Variants in PDE8A observed in about 807,000 individuals in gnomAD.
PDE8A encodes the protein high affinity cAMP-specific and IBMX-insensitive 3',5'-cyclic phosphodiesterase 8A.
Under a neutral mutation model 105.0 loss-of-function variants are expected in PDE8A, and 59 were observed. That is an observed-to-expected ratio of 0.56 (90% CI 0.46 to 0.70). The LOEUF (loss-of-function observed/expected upper bound fraction) is 0.70, where lower values mean the gene tolerates loss of function less well. PDE8A is among the 30% of genes least tolerant of loss of function. The pLI is 0.00. For synonymous variants in PDE8A, 355 were observed against 371.9 expected, an observed-to-expected ratio of 0.95 and a Z score of 0.52; for missense variants, 1,014 against 1,045.9, an observed-to-expected ratio of 0.97 and a Z score of 0.42.
chr15:85,108,546 AAG>A (rs2141588212), intron 11 of PDE8A, among the ~76,000 whole-genome samples: 1 of 152,250 alleles, frequency 6.6e-6, no homozygotes, highest in South Asian at 2.1e-4. Context: ...CTTCGTAGAG[AAG>A]AGGGGGTGAA....
intron 1 of PDE8A, among the ~76,000 whole-genome samples, chr15:85,019,748 T>A (rs1457777994): frequency 6.6e-6 from 1 of 151,760 alleles, no homozygotes; most frequent in Non-Finnish European, 1.5e-5. Flanking sequence ...CCTGGCTAAT[T>A]TTTGTATTTT....
At chr15:85,090,021 A>T (rs1046865487) in intron 7 of PDE8A, among the ~76,000 whole-genome samples, 2 of 152,160 alleles carry the variant, frequency 1.3e-5, no homozygotes, top group Non-Finnish European at 2.9e-5. Context: ...TCCACTTTGG[A>T]GCTCTCCAGT....
intron 1 of PDE8A, among the ~76,000 whole-genome samples, chr15:84,992,347 T>A (rs866763704): frequency 6.6e-6 from 1 of 152,118 alleles, no homozygotes; most frequent in Non-Finnish European, 1.5e-5. Context: ...GTGGAAAATA[T>A]ATCTCTGGAT....
At chr15:85,021,607 AACTG>A (rs1182468173) in intron 1 of PDE8A, among the ~76,000 whole-genome samples, 3 of 152,164 alleles carry the variant, frequency 2.0e-5, no homozygotes, top group Non-Finnish European at 4.4e-5. Flanking sequence ...TAGCAGCTCA[AACTG>A]ACTAAGACAA....
intron 11 of PDE8A, among the ~76,000 whole-genome samples, chr15:85,103,870 G>C (rs1319922642): frequency 6.6e-6 from 1 of 152,138 alleles, no homozygotes; most frequent in African/African-American, 2.4e-5. Flanking sequence ...GCAGACTCTT[G>C]GAAGGAAGCA....
At chr15:85,100,441 A>G (rs115104540) in intron 11 of PDE8A, among the ~76,000 whole-genome samples, 1 of 152,240 alleles carries the variant, frequency 6.6e-6, no homozygotes, top group Non-Finnish European at 1.5e-5. Context: ...GAAATGGTCA[A>G]CTGAAATGCA....
chr15:85,086,220 C>T (rs956034019), intron 6 of PDE8A, among the ~76,000 whole-genome samples: 19 of 151,872 alleles, frequency 1.3e-4, no homozygotes, highest in African/African-American at 4.1e-4. Context: ...AGTAGGGCTA[C>T]GTAAGTACTA....
At chr15:85,039,515 T>C (rs2080765714) in intron 1 of PDE8A, among the ~76,000 whole-genome samples, 1 of 151,986 alleles carries the variant, frequency 6.6e-6, no homozygotes, top group African/African-American at 2.4e-5. Flanking sequence ...ATTGTAAATA[T>C]ATACAGTCAC....
At chr15:85,088,949 G>A (rs2081596416) in intron 6 of PDE8A, among the ~76,000 whole-genome samples, 2 of 152,116 alleles carry the variant, frequency 1.3e-5, no homozygotes, top group Non-Finnish European at 2.9e-5. Context: ...TCTTTGCCAG[G>A]CTCTGTGCAG....
At chr15:85,041,880 A>G (rs1051629241) in intron 1 of PDE8A, among the ~76,000 whole-genome samples, 2 of 152,084 alleles carry the variant, frequency 1.3e-5, no homozygotes, top group African/African-American at 4.8e-5. Context: ...GAGTTCTCAC[A>G]TTCTTTGTTG....
intron 1 of PDE8A, among the ~76,000 whole-genome samples, chr15:85,053,489 T>C (rs2081008812): frequency 6.6e-6 from 1 of 152,218 alleles, no homozygotes; most frequent in African/African-American, 2.4e-5. Context: ...TGTCCTCTTT[T>C]ATTTTGTTGA....
At chr15:84,987,742 G>A (rs1252255432) in intron 1 of PDE8A, among the ~76,000 whole-genome samples, 1 of 152,066 alleles carries the variant, frequency 6.6e-6, no homozygotes, top group African/African-American at 2.4e-5. Context: ...CTCCCAGAGT[G>A]CTGGGATTAC....
upstream of PDE8A, among the ~76,000 whole-genome samples, chr15:84,981,383 A>ACGGAGC (rs574568277): frequency 0.014 from 2,067 of 152,174 alleles, 24 homozygotes; most frequent in Middle Eastern, 0.034. Flanking sequence ...GGCCCGGATC[A>ACGGAGC]CGGAGCCGGA....
At chr15:85,045,724 T>C (rs2080876659) in intron 1 of PDE8A, among the ~76,000 whole-genome samples, 1 of 152,186 alleles carries the variant, frequency 6.6e-6, no homozygotes, top group Non-Finnish European at 1.5e-5. Context: ...TAATAGGTGG[T>C]CCACAAGTGT....
Position 85,117,936 on chromosome 15 carries a change from G to A in PDE8A, c.1734+97G>A, listed in dbSNP as rs137866295. On this transcript the variant is annotated intron_variant, in intron 17 of 21. Coordinates refer to ENST00000394553, the MANE Select transcript of PDE8A (RefSeq NM_002605.3). Reference sequence around the variant, plus strand: ...TAAGATACATAGCATGACTGCTCACGTGTGCAGCCTGGCACAGGAAGGGCA... The same window carrying A: ...TAAGATACATAGCATGACTGCTCACATGTGCAGCCTGGCACAGGAAGGGCA... The A allele has an allele frequency of 1.0e-4, 101 of 993,086 alleles. 1 individual carries two copies. The South Asian group carries it at 1.1e-3, about 11-fold the overall frequency. The allele number at this position is 993,086 out of a possible 1,614,324, so 61.5% of individuals were successfully genotyped here. A position where few individuals can be genotyped will look rare whatever the true frequency, so the allele number is the denominator to read the frequency against.
intron 5 of PDE8A, among the ~76,000 whole-genome samples, chr15:85,081,088 T>G (rs2081458675): frequency 6.6e-6 from 1 of 152,218 alleles, no homozygotes; most frequent in South Asian, 2.1e-4. Context: ...GAAGAAGAGT[T>G]AGACCTGGAG....
In PDE8A at chr15:85,067,107, G is replaced by T. The variant is rs1333580377; in HGVS notation, c.337G>T (p.Ala113Ser). Residue 113 changes from alanine (A) to serine (S), a missense_variant, in exon 3 of 22, where the codon GCT becomes TCT. Physicochemically the swap from Ala to Ser is moderately conservative, Grantham distance 99. Transcript: ENST00000394553. ...AGFKCTVTKE[A>S]QAVLACFLDK... ...GTTTAAGTGTACAGTTACCAAGGAGGCTCAGGCTGTCCTTGCCTGTTTCCT... is the reference window on the plus strand; with the variant it reads ...GTTTAAGTGTACAGTTACCAAGGAGTCTCAGGCTGTCCTTGCCTGTTTCCT... 2 of 1,612,742 alleles carry T rather than the reference G, an allele frequency of 1.2e-6. No homozygotes were observed. Among genetic ancestry groups the T allele is most frequent in the Non-Finnish European group, 1.7e-6 (2 of 1,178,748 alleles).
intron 1 of PDE8A, among the ~76,000 whole-genome samples, chr15:85,061,437 A>T (rs1276917000): frequency 6.6e-6 from 1 of 151,706 alleles, no homozygotes. Context: ...ACGGGGTTTC[A>T]CCATGTTGGC....
At chr15:85,102,839 C>CA (rs35165347) in intron 11 of PDE8A, among the ~76,000 whole-genome samples, 36,427 of 110,950 alleles carry the variant, frequency 0.33, 5,536 homozygotes, top group Middle Eastern at 0.48. Flanking sequence ...AACTCCATCT[C>CA]AAAAAAAAAA....
Sources: allele counts gnomAD v4.1 joint callset (sites outside exome capture counted in the v4.1 genomes callset), GRCh38; gene constraint gnomAD v4.1.1; transcripts MANE v1.5; gene names NCBI Gene and HGNC (gene_info 2026-07-23, HGNC 2026-07-21).